The following ADGRF4 variants were observed in gnomAD, a reference collection of about 807,000 sequenced individuals.
The protein encoded by ADGRF4 is adhesion G protein-coupled receptor F4, also known as G-protein coupled receptor PGR18.
In ADGRF4, 63 loss-of-function variants were observed where a neutral mutation model predicts 58.5. The ratio of observed to expected loss-of-function variants is 1.08; its 90% CI spans 0.88 to 1.33. The LOEUF (loss-of-function observed/expected upper bound fraction) is 1.33. Among genes scored for constraint, ADGRF4 ranks in the 40% most tolerant of loss-of-function variants. The probability of loss-of-function intolerance (pLI) is 0.00; values close to 1 mark genes in which losing one functional copy is unlikely to be tolerated. For missense variants in ADGRF4, 931 were observed against 843.9 expected, an observed-to-expected ratio of 1.10 and a Z score of -1.28; for synonymous variants, 313 against 295.4, an observed-to-expected ratio of 1.06 and a Z score of -0.61.
intron 5 of ADGRF4, 104 bp downstream of exon 5, chr6:47,712,712 C>A: frequency 2.5e-6 from 2 of 787,306 alleles, no homozygotes; most frequent in Non-Finnish European, 4.1e-6. Context: ...CAGCAACCAT[C>A]AAAGCAACAG....
At chr6:47,702,607 T>A (rs1265961349) in intron 1 of ADGRF4, among the ~76,000 whole-genome samples, 1 of 152,242 alleles carries the variant, frequency 6.6e-6, no homozygotes, top group Non-Finnish European at 1.5e-5. Flanking sequence ...GTTCCAGCAT[T>A]ATTCTGTCAC....
Position 47,721,498 on chromosome 6 carries a change from T to C in ADGRF4, c.*293T>C, listed in dbSNP as rs1772157195. 1 of 152,108 alleles carries C rather than the reference T, an allele frequency of 6.6e-6. No homozygotes were observed. The highest frequency in any genetic ancestry group is 1.5e-5 in the Non-Finnish European group (1 of 68,024). 9.4% of individuals were successfully genotyped at this position (152,108 alleles called of 1,614,324 possible). A position where few individuals can be genotyped will look rare whatever the true frequency, so the allele number is the denominator to read the frequency against. The stretch of plus-strand genomic sequence containing the variant: ...AGATTAAGAGTCAATCTGCAAGCCA[T>C]TTTATGGTCTCCCTGGCCAGCTGGG... On this transcript the variant is annotated 3_prime_UTR_variant, in exon 10 of 10. Coordinates refer to ENST00000283303, the MANE Select transcript of ADGRF4 (RefSeq NM_153838.5).
Position 47,714,098 on chromosome 6 carries a change from C to A in ADGRF4, c.853C>A (p.Pro285Thr). Residue 285 changes from proline (P) to threonine (T), a missense_variant, in exon 6 of 10, where the codon CCA becomes ACA. Coordinates refer to ENST00000283303, the MANE Select transcript of ADGRF4 (RefSeq NM_153838.5). ...IPRQELRKLW[P>T]NASQAISIAF... ...CAGGCAAGAGCTAAGGAAGCTGTGGCCAAATGCATCCCAAGCCATTAGCAT... is the reference window on the plus strand; with the variant it reads ...CAGGCAAGAGCTAAGGAAGCTGTGGACAAATGCATCCCAAGCCATTAGCAT... 6.2e-7 allele frequency: 1 copy of A among 1,614,002 alleles called. No individual in the cohort carries two copies. The highest frequency in any genetic ancestry group is 8.5e-7 in the Non-Finnish European group (1 of 1,180,000).
chr6:47,707,210 G>C lies in ADGRF4; in HGVS notation c.-16-20G>C. Reference sequence around the variant, plus strand: ...GAAGTTGTCACCTTCAGGTGGGTATGCCTTCTTTCTCTATTGCAGGTGAAG... The same window carrying C: ...GAAGTTGTCACCTTCAGGTGGGTATCCCTTCTTTCTCTATTGCAGGTGAAG... On this transcript the variant is annotated intron_variant, in intron 1 of 9. Transcript: ENST00000283303. The C allele has an allele frequency of 7.4e-7, 1 of 1,347,620 alleles. No individual in the cohort carries two copies. The highest frequency in any genetic ancestry group is 1.1e-6 in the Non-Finnish European group (1 of 937,158). 83.5% of individuals were successfully genotyped at this position (1,347,620 alleles called of 1,614,324 possible). A position where few individuals can be genotyped will look rare whatever the true frequency, so the allele number is the denominator to read the frequency against.
Position 47,713,925 on chromosome 6 carries a change from T to A in ADGRF4, c.680T>A (p.Ile227Asn). ...AATTTGTTTGCCAGACAACTCCACA[T>A]CCACAATAATTCTGAGAACATTGTG... ...SVNLFARQLH[I>N]HNNSENIVNE... The change falls in exon 6 of 10, where the codon ATC (isoleucine) becomes AAC (asparagine). Residue 227 changes from isoleucine (I) to asparagine (N), a missense_variant. By Grantham distance (149) the Ile-to-Asn change is moderately radical. Transcript: ENST00000283303. 6.2e-7 allele frequency: 1 copy of A among 1,610,626 alleles called. No individual in the cohort carries two copies. Among genetic ancestry groups the A allele is most frequent in the Non-Finnish European group, 8.5e-7 (1 of 1,178,414 alleles).
At chr6:47,704,354 C>A (rs1581690428) in intron 1 of ADGRF4, among the ~76,000 whole-genome samples, 2 of 152,104 alleles carry the variant, frequency 1.3e-5, no homozygotes, top group South Asian at 4.1e-4. Context: ...TTTACAAATG[C>A]CTCCCTTCGT....
chr6:47,705,593 A>G lies in ADGRF4; in HGVS notation c.-16-1637A>G, dbSNP rs1462593139. 2.0e-5 allele frequency among the ~76,000 whole-genome samples: 3 copies of G among 152,192 alleles called. No homozygotes were observed. In the East Asian group the frequency reaches 5.8e-4, roughly 29 times the overall value. On this transcript the variant is annotated intron_variant, in intron 1 of 9. Transcript: ENST00000283303. ...TCATTGGTTAGAAACTTGAAACTCA[A>G]AGATAATTTGGAAGCATTCTTGTAA... is the stretch of plus-strand genomic sequence containing the variant.
intron 1 of ADGRF4, among the ~76,000 whole-genome samples, chr6:47,699,811 A>G (rs1771544890): frequency 6.6e-6 from 1 of 152,148 alleles, no homozygotes; most frequent in Non-Finnish European, 1.5e-5. Flanking sequence ...TCGTTTATCC[A>G]TCTGATGTTA....
chr6:47,707,032 T>C (rs1771725469), intron 1 of ADGRF4, among the ~76,000 whole-genome samples, 198 bp from the exon 2 acceptor site: 1 of 152,232 alleles, frequency 6.6e-6, no homozygotes, highest in Admixed American at 6.5e-5. Context: ...AGTTAACAGT[T>C]GAGAGAAATT....
At position 47,707,344 on chromosome 6, in the gene ADGRF4, T is replaced by G. The variant is rs773273306; in HGVS notation, c.93+6T>G. 6.5e-7 allele frequency: 1 copy of G among 1,542,056 alleles called. No homozygotes were observed. The highest frequency in any genetic ancestry group is 1.1e-5 in the South Asian group (1 of 89,636). ...GATCCAAGATTCACCTAAAAGTAAG[T>G]TTGATCTATTCCTATGTGATCCGAG... On this transcript the variant is annotated splice_donor_region_variant and intron_variant, in intron 2 of 9. Coordinates refer to ENST00000283303, the MANE Select transcript of ADGRF4 (RefSeq NM_153838.5).
chr6:47,708,758 A>T (rs1335874025), intron 3 of ADGRF4, among the ~76,000 whole-genome samples: 1 of 152,330 alleles, frequency 6.6e-6, no homozygotes, highest in Admixed American at 6.5e-5. Context: ...GGAGTACTTC[A>T]GTGAAATCAT....
intron 4 of ADGRF4, among the ~76,000 whole-genome samples, chr6:47,711,889 G>A (rs870481): frequency 0.13 from 13,350 of 100,354 alleles, 1,795 homozygotes; most frequent in East Asian, 0.62. Flanking sequence ...TAATTGCTTT[G>A]CTTTATACAA....
In ADGRF4 at chr6:47,714,674, A is replaced by T. The variant is rs376220222; in HGVS notation, c.1429A>T (p.Thr477Ser). 5 of 1,614,076 alleles carry T rather than the reference A, an allele frequency of 3.1e-6. No individual in the cohort carries two copies. In the African/African-American group the frequency reaches 5.3e-5, roughly 17 times the overall value. The change falls in exon 6 of 10, where the codon ACA (threonine) becomes TCA (serine). Residue 477 changes from threonine to serine, a missense_variant. By Grantham distance (58) the Thr-to-Ser change is moderately conservative. Transcript: ENST00000283303. ...GGACTACAACATGTGTGTTGCAGTGACATTTTTCAGCCACTTTTTCTACCT... is the reference window on the plus strand; with the variant it reads ...GGACTACAACATGTGTGTTGCAGTGTCATTTTTCAGCCACTTTTTCTACCT... ...AQDYNMCVAV[T>S]FFSHFFYLSL...
chr6:47,712,438 A>G lies in ADGRF4; in HGVS notation c.382A>G (p.Ile128Val). The change falls in exon 5 of 10, where the codon ATT becomes GTT. Residue 128 changes from isoleucine (I) to valine (V), a missense_variant. Physicochemically the swap from Ile to Val is conservative, Grantham distance 29. Coordinates refer to ENST00000283303, the MANE Select transcript of ADGRF4 (RefSeq NM_153838.5). ...HILDFRAPET[I>V]ESVAQGIRKN... is the part of the protein sequence containing the mutation. ...TCTAGACTTTCGAGCTCCAGAGACC[A>G]TTGAGAGTGTAGCTCAAGGAATCCG... The G allele has an allele frequency of 1.2e-6, 2 of 1,614,064 alleles. No individual in the cohort carries two copies. The highest frequency in any genetic ancestry group is 2.2e-5 in the East Asian group (1 of 44,872).
At chr6:47,701,280 A>T (rs773282222) in intron 1 of ADGRF4, among the ~76,000 whole-genome samples, 4 of 152,210 alleles carry the variant, frequency 2.6e-5, no homozygotes, top group Non-Finnish European at 4.4e-5. Context: ...CTGTGTGAAA[A>T]ACAAAGGTGA....
intron 4 of ADGRF4, among the ~76,000 whole-genome samples, chr6:47,711,792 G>A (rs1771878586): frequency 6.6e-6 from 1 of 152,198 alleles, no homozygotes; most frequent in Admixed American, 6.5e-5. Flanking sequence ...GGGGATTGCA[G>A]CTGGCTTCTC....
chr6:47,710,713 C>T, intron 3 of ADGRF4, 22 bp from the exon 4 acceptor site: 1 of 1,520,236 alleles, frequency 6.6e-7, no homozygotes, highest in Non-Finnish European at 8.8e-7. Flanking sequence ...GTCTCTCTCT[C>T]TTTCTCTTTT....
At chr6:47,713,603 T>A (rs570080367) in intron 5 of ADGRF4, among the ~76,000 whole-genome samples, 195 bp from the exon 6 acceptor site, 3 of 152,232 alleles carry the variant, frequency 2.0e-5, no homozygotes, top group South Asian at 4.1e-4. Context: ...TAGCTGTGAT[T>A]TTTTTTTGCA....
In ADGRF4 at chr6:47,712,359, C is replaced by G; in HGVS notation, c.303C>G (p.Asp101Glu). 2 of 1,613,818 alleles carry G rather than the reference C, an allele frequency of 1.2e-6. No homozygotes were observed. The highest frequency in any genetic ancestry group is 1.7e-6 in the Non-Finnish European group (2 of 1,179,768). ...TSLSVEKLFK[D>E]STGASRLSVA... ...GAAACTACATTTGTTTTAAACAGGA[C>G]TCAACTGGTGCATCTCGCCTTTCTG... Residue 101 changes from aspartate to glutamate, a missense_variant and splice_region_variant, in exon 5 of 10, where the codon GAC becomes GAG. Asp to Glu is a conservative substitution (Grantham distance 45, BLOSUM62 2). Coordinates refer to ENST00000283303, the MANE Select transcript of ADGRF4 (RefSeq NM_153838.5).
Sources: gnomAD v4.1 joint callset for allele counts (sites outside exome capture counted in the v4.1 genomes callset) on GRCh38, gnomAD v4.1.1 for gene constraint, MANE v1.5 for transcripts, NCBI Gene and HGNC (gene_info 2026-07-23, HGNC 2026-07-21) for gene names.